PLXNA4: variants seen among roughly 807,000 people sequenced by gnomAD.
PLXNA4 encodes the protein plexin-A4.
PLXNA4 carries 44 observed loss-of-function variants against 191.8 expected under a neutral mutation model. The observed-to-expected ratio is 0.23, with a 90% confidence interval of 0.18 to 0.29. The LOEUF (loss-of-function observed/expected upper bound fraction) is 0.29, where lower values mean the gene tolerates loss of function less well. PLXNA4 is among the 10% of genes least tolerant of loss of function. PLXNA4 has a pLI of 1.00. For synonymous variants in PLXNA4, 1,082 were observed against 1,009.5 expected, an observed-to-expected ratio of 1.07 and a Z score of -1.36; for missense variants, 1,800 against 2,488.8, an observed-to-expected ratio of 0.72 and a Z score of 5.89.
At chr7:132,551,683 G>A (rs998952372) in intron 1 of PLXNA4, among the ~76,000 whole-genome samples, 8 of 152,100 alleles carry the variant, frequency 5.3e-5, no homozygotes, top group Non-Finnish European at 1.0e-4. Context: ...GATCACTGAA[G>A]GAAAATGAAA....
chr7:132,229,062 T>C (rs1225387596), intron 5 of PLXNA4, among the ~76,000 whole-genome samples: 2 of 152,174 alleles, frequency 1.3e-5, no homozygotes, highest in Non-Finnish European at 2.9e-5. Context: ...TGTATGACAA[T>C]TATTGGGCTA....
chr7:132,508,372 G>A lies in PLXNA4; in HGVS notation c.322C>T (p.Leu108=), dbSNP rs535507636. Residue 108 remains leucine (L), a synonymous_variant, in exon 2 of 32, where the codon CTG becomes TTG. Transcript: ENST00000321063. This position sits in a 1 kb window ranked among gnomAD's most constrained non-coding sequence, Gnocchi z 4.4. The stretch of plus-strand genomic sequence containing the variant: ...TTGTTGACATTGTTGGTGGTGGTCA[G>A]GGGCTCATTGCAGGTCTGGACGATG... ...PRIVQTCNEP[L]TTTNNVNKML... 1.9e-6 allele frequency: 3 copies of A among 1,614,206 alleles called. No homozygotes were observed. Among genetic ancestry groups the A allele is most frequent in the Admixed American group, 1.7e-5 (1 of 60,028 alleles).
intron 29 of PLXNA4, among the ~76,000 whole-genome samples, chr7:132,144,241 C>T (rs1181593884): frequency 6.6e-6 from 1 of 152,188 alleles, no homozygotes; most frequent in Non-Finnish European, 1.5e-5. Context: ...GTAGAGCTCT[C>T]AACCAGAGAC....
intron 4 of PLXNA4, among the ~76,000 whole-genome samples, chr7:132,296,225 TA>T (rs1243540950): frequency 6.6e-6 from 1 of 152,158 alleles, no homozygotes; most frequent in East Asian, 1.9e-4. Context: ...AATGTGCCCA[TA>T]ATATGGAGTT....
chr7:132,637,474 G>A (rs146022295), intron 2 of PLXNA4, among the ~76,000 whole-genome samples: 55 of 152,314 alleles, frequency 3.6e-4, no homozygotes, highest in African/African-American at 1.2e-3. Flanking sequence ...AAGGCCACAC[G>A]ACGTTCTCAG....
At chr7:132,389,149 T>C (rs974471493) in intron 3 of PLXNA4, among the ~76,000 whole-genome samples, 4 of 152,134 alleles carry the variant, frequency 2.6e-5, no homozygotes, top group South Asian at 2.1e-4. Context: ...TAAGTTCTTG[T>C]AGATTCTGGA....
chr7:132,498,386 G>A (rs1798113162), intron 2 of PLXNA4, among the ~76,000 whole-genome samples: 1 of 152,158 alleles, frequency 6.6e-6, no homozygotes, highest in Non-Finnish European at 1.5e-5. Flanking sequence ...AGGCAAGGAG[G>A]AGGAAGACAG....
intron 25 of PLXNA4, 101 bp from the exon 26 acceptor site, chr7:132,148,747 G>A (rs915013409): frequency 1.4e-5 from 21 of 1,531,396 alleles, no homozygotes; most frequent in Admixed American, 5.8e-5. Context: ...GCTCAAGGGT[G>A]TGTCCATTGC....
intron 3 of PLXNA4, among the ~76,000 whole-genome samples, chr7:132,438,035 T>C (rs1399037503): frequency 2.0e-5 from 3 of 152,146 alleles, no homozygotes; most frequent in African/African-American, 4.8e-5. Context: ...TTGTGTACGG[T>C]TGTGGTTCTG....
chr7:132,513,414 G>A (rs974641294), intron 1 of PLXNA4, among the ~76,000 whole-genome samples: 2 of 152,142 alleles, frequency 1.3e-5, no homozygotes, highest in Non-Finnish European at 2.9e-5. Flanking sequence ...GGAAACCAAG[G>A]CATGAACAGG....
At chr7:132,422,039 C>T (rs191669789) in intron 3 of PLXNA4, among the ~76,000 whole-genome samples, 31 of 152,296 alleles carry the variant, frequency 2.0e-4, no homozygotes, top group Admixed American at 1.3e-3. Context: ...ACAGGGAAGT[C>T]GTTGTCAAAT....
chr7:132,454,270 G>C (rs1796233387), intron 3 of PLXNA4, among the ~76,000 whole-genome samples: 2 of 152,158 alleles, frequency 1.3e-5, no homozygotes, highest in South Asian at 4.1e-4. Context: ...ATTTCATCAA[G>C]GCCACGTGAC....
At chr7:132,633,739 C>A (rs1174476789) in intron 2 of PLXNA4, among the ~76,000 whole-genome samples, 1 of 152,114 alleles carries the variant, frequency 6.6e-6, no homozygotes, top group East Asian at 1.9e-4. Flanking sequence ...CTGACTCTGA[C>A]CCTCATCATC....
chr7:132,450,642 A>C (rs1796084993), intron 3 of PLXNA4, among the ~76,000 whole-genome samples: 1 of 152,186 alleles, frequency 6.6e-6, no homozygotes, highest in Non-Finnish European at 1.5e-5. Context: ...ACTGAAGTCA[A>C]CGGTGGCATC....
chr7:132,633,996 A>G (rs927930928), intron 2 of PLXNA4, among the ~76,000 whole-genome samples: 8 of 151,824 alleles, frequency 5.3e-5, no homozygotes, highest in African/African-American at 1.9e-4. Flanking sequence ...AGTGTATGGC[A>G]GATGCACCTG....
At chr7:132,340,567 G>A (rs960594232) in intron 3 of PLXNA4, among the ~76,000 whole-genome samples, 4 of 152,212 alleles carry the variant, frequency 2.6e-5, no homozygotes, top group African/African-American at 9.6e-5. Context: ...ATGGAGAGAA[G>A]CAGAAAAGAG....
chr7:132,247,209 T>C (rs1799089340), intron 4 of PLXNA4, among the ~76,000 whole-genome samples: 1 of 152,188 alleles, frequency 6.6e-6, no homozygotes, highest in Admixed American at 6.5e-5. Context: ...TCCACAGATA[T>C]AGCATGCAGT....
intron 3 of PLXNA4, among the ~76,000 whole-genome samples, chr7:132,475,122 G>T (rs149689577): frequency 6.6e-6 from 1 of 152,250 alleles, no homozygotes; most frequent in East Asian, 1.9e-4. Context: ...AATTTAGAGG[G>T]ATGGCTGGCC....
intron 2 of PLXNA4, among the ~76,000 whole-genome samples, chr7:132,639,282 T>C (rs1214990311): frequency 6.6e-6 from 1 of 152,180 alleles, no homozygotes; most frequent in Non-Finnish European, 1.5e-5. Context: ...CTAATTTTTC[T>C]ATAGCAGGGT....
Sources: allele counts gnomAD v4.1 joint callset (sites outside exome capture counted in the v4.1 genomes callset), GRCh38; gene constraint gnomAD v4.1.1; non-coding constraint Gnocchi (gnomAD v3.1); transcripts MANE v1.5; gene names NCBI Gene and HGNC (gene_info 2026-07-23, HGNC 2026-07-21).